GALNTL6: variants seen among roughly 807,000 people sequenced by gnomAD.
GALNTL6 encodes the protein polypeptide N-acetylgalactosaminyltransferase like 6.
Under a neutral mutation model 73.7 loss-of-function variants are expected in GALNTL6, and 46 were observed. The ratio of observed to expected loss-of-function variants is 0.62; its 90% CI spans 0.49 to 0.80. The LOEUF is 0.80. Among genes scored for constraint, GALNTL6 ranks in the 30% least tolerant of loss-of-function variants. GALNTL6 has a pLI of 0.00. For synonymous variants in GALNTL6, 259 were observed against 263.7 expected, an observed-to-expected ratio of 0.98 and a Z score of 0.17; for missense variants, 604 against 755.0, an observed-to-expected ratio of 0.80 and a Z score of 2.34.
chr4:172,291,088 G>A (rs1267694747), intron 3 of GALNTL6, among the ~76,000 whole-genome samples: 5 of 151,964 alleles, frequency 3.3e-5, no homozygotes, highest in Non-Finnish European at 5.9e-5. Context: ...ATTATTCAAA[G>A]CATTCAAAAA....
intron 5 of GALNTL6, among the ~76,000 whole-genome samples, chr4:172,781,864 T>A (rs1472260255): frequency 6.6e-6 from 1 of 151,646 alleles, no homozygotes; most frequent in Non-Finnish European, 1.5e-5. Flanking sequence ...GTATTATTTA[T>A]TTATATGTAT....
chr4:171,986,774 T>G (rs942197563), intron 2 of GALNTL6, among the ~76,000 whole-genome samples: 1 of 151,970 alleles, frequency 6.6e-6, no homozygotes, highest in Non-Finnish European at 1.5e-5. Context: ...GAAAAACAGG[T>G]ATAAAAGGTC....
chr4:172,500,534 T>C (rs1243134457), intron 5 of GALNTL6, among the ~76,000 whole-genome samples: 3 of 152,154 alleles, frequency 2.0e-5, no homozygotes, highest in Non-Finnish European at 4.4e-5. Context: ...CACCTGAAAC[T>C]ATGGAGGCCA....
At chr4:172,261,600 T>G (rs1738260385) in intron 3 of GALNTL6, among the ~76,000 whole-genome samples, 1 of 151,482 alleles carries the variant, frequency 6.6e-6, no homozygotes, top group Admixed American at 6.6e-5. Flanking sequence ...TCAATTTCAT[T>G]TAGTTCTGCT....
intron 3 of GALNTL6, among the ~76,000 whole-genome samples, chr4:172,292,776 A>G (rs748049820): frequency 6.6e-6 from 1 of 152,278 alleles, no homozygotes; most frequent in African/African-American, 2.4e-5. Flanking sequence ...ATTAATAGTT[A>G]TCCTTTAAGA....
At chr4:172,835,238 A>G (rs991973329) in intron 7 of GALNTL6, among the ~76,000 whole-genome samples, 1 of 152,240 alleles carries the variant, frequency 6.6e-6, no homozygotes, top group Middle Eastern at 3.2e-3. Context: ...GAGAGGGAGG[A>G]GCATGTTCAC....
intron 2 of GALNTL6, among the ~76,000 whole-genome samples, chr4:172,136,333 A>T (rs1733636156): frequency 6.6e-6 from 1 of 152,036 alleles, no homozygotes; most frequent in Non-Finnish European, 1.5e-5. Context: ...AAAAACCTTA[A>T]GTGATTTATC....
chr4:172,316,843 G>C (rs754900863), intron 4 of GALNTL6, among the ~76,000 whole-genome samples: 3 of 152,184 alleles, frequency 2.0e-5, no homozygotes, highest in Non-Finnish European at 4.4e-5. Flanking sequence ...TTGCTGGATA[G>C]CATAATCAAA....
chr4:172,238,854 A>G (rs535423127), intron 3 of GALNTL6, among the ~76,000 whole-genome samples: 18 of 152,140 alleles, frequency 1.2e-4, no homozygotes, highest in Non-Finnish European at 2.6e-4. Context: ...ATCTATTCAT[A>G]TGGTTATATA....
At chr4:172,778,323 C>T (rs1392394364) in intron 5 of GALNTL6, among the ~76,000 whole-genome samples, 1 of 152,182 alleles carries the variant, frequency 6.6e-6, no homozygotes, top group Non-Finnish European at 1.5e-5. Flanking sequence ...TTATTTATCC[C>T]ACCTGCCATA....
chr4:172,601,985 C>G (rs1031037520), intron 5 of GALNTL6, among the ~76,000 whole-genome samples: 2 of 151,974 alleles, frequency 1.3e-5, no homozygotes, highest in African/African-American at 4.8e-5. Context: ...CTGGGGGACA[C>G]TTCTTATAAG....
chr4:172,177,828 C>CACACACATATATGTGTGTGTATATATAA (rs1560955687), intron 2 of GALNTL6, among the ~76,000 whole-genome samples: 1 of 131,646 alleles, frequency 7.6e-6, no homozygotes, highest in African/African-American at 3.3e-5. Context: ...TGTATATATA[C>CACACACATATATGTGTGTGTATATATAA]ACACACATAT....
At chr4:171,894,259 T>G (rs1736845441) in intron 2 of GALNTL6, among the ~76,000 whole-genome samples, 1 of 152,174 alleles carries the variant, frequency 6.6e-6, no homozygotes, top group Non-Finnish European at 1.5e-5. Context: ...TTAGTGTCAC[T>G]CTAGAGAAAT....
intron 2 of GALNTL6, among the ~76,000 whole-genome samples, chr4:172,049,103 T>A (rs917023463): frequency 5.9e-5 from 9 of 152,224 alleles, no homozygotes; most frequent in Non-Finnish European, 1.0e-4. Flanking sequence ...GGAGAAGTCA[T>A]CTTTTCTACC....
intron 3 of GALNTL6, among the ~76,000 whole-genome samples, chr4:172,246,594 A>C (rs1760356418): frequency 6.6e-6 from 1 of 151,974 alleles, no homozygotes; most frequent in Non-Finnish European, 1.5e-5. Context: ...CATTCAATGC[A>C]TTATCCAAAC....
chr4:172,912,859 G>A (rs1196674132), intron 8 of GALNTL6, among the ~76,000 whole-genome samples: 2 of 152,210 alleles, frequency 1.3e-5, no homozygotes, highest in African/African-American at 4.8e-5. Context: ...CAGCTTTGAA[G>A]AGAGCAGTGG....
At chr4:172,003,448 A>T (rs1338813533) in intron 2 of GALNTL6, among the ~76,000 whole-genome samples, 1 of 152,104 alleles carries the variant, frequency 6.6e-6, no homozygotes, top group East Asian at 1.9e-4. Context: ...GTCCATGTTG[A>T]GTTCACTCTA....
chr4:171,921,499 T>C (rs1457101807), intron 2 of GALNTL6, among the ~76,000 whole-genome samples: 1 of 152,102 alleles, frequency 6.6e-6, no homozygotes, highest in East Asian at 1.9e-4. Context: ...ACTTGGCTTA[T>C]AAAGAGCACA....
At position 172,525,785 on chromosome 4, in the gene GALNTL6, C is replaced by A. The variant is rs369557393; in HGVS notation, c.553+177096C>A. ...GGCTGAGGTGGGAGGATGGCTTAAG[C>A]CCAGAAGTTCAAGGCTGCAGTGAGC... is the stretch of plus-strand genomic sequence containing the variant. On this transcript the variant is annotated intron_variant, in intron 5 of 12. Transcript: ENST00000506823. Among the ~76,000 whole-genome samples, 66 of 152,216 alleles carry A rather than the reference C, an allele frequency of 4.3e-4. No homozygotes were observed. The East Asian group carries it at 8.3e-3, about 19-fold the overall frequency.
Sources: gnomAD v4.1 joint callset for allele counts (sites outside exome capture counted in the v4.1 genomes callset) on GRCh38, gnomAD v4.1.1 for gene constraint, MANE v1.5 for transcripts, NCBI Gene and HGNC (gene_info 2026-07-23, HGNC 2026-07-21) for gene names.